Variants in PRR16 observed in about 807,000 individuals in gnomAD.
PRR16 encodes the protein protein Largen.
A neutral mutation model predicts 18.2 loss-of-function variants in PRR16; 6 were observed. The observed-to-expected ratio is 0.33, with a 90% CI of 0.18 to 0.65. PRR16 has a LOEUF of 0.65. Among genes scored for constraint, PRR16 ranks in the 30% least tolerant of loss-of-function variants. The pLI, the probability that PRR16 is intolerant of heterozygous loss-of-function variation, is 0.74. For synonymous variants in PRR16, 151 were observed against 147.8 expected, an observed-to-expected ratio of 1.02 and a Z score of -0.16; for missense variants, 412 against 376.6, an observed-to-expected ratio of 1.09 and a Z score of -0.78.
intron 1 of PRR16, among the ~76,000 whole-genome samples, chr5:120,584,695 C>G (rs1179306786): frequency 6.6e-6 from 1 of 152,024 alleles, no homozygotes; most frequent in African/African-American, 2.4e-5. Flanking sequence ...TGATCAAACA[C>G]TTAGTAATTT....
the PRR16 span, among the ~76,000 whole-genome samples, chr5:120,696,233 C>A: frequency 6.6e-6 from 1 of 151,968 alleles, no homozygotes; most frequent in African/African-American, 2.4e-5. Context: ...CAGAGTGAGG[C>A]TCCATCTCAA....
rs565731807 is a variant in PRR16, at chr5:120,531,104, C to A, written c.159+66459C>A. 7.9e-5 allele frequency among the ~76,000 whole-genome samples: 12 copies of A among 152,292 alleles called. No individual in the cohort carries two copies. In the South Asian group the frequency reaches 2.5e-3, roughly 32 times the overall value. ...TAACTTTCTCTGTATTCAAATTATACTAGCTCAGAAAATTAGGTAGTTTAA... is the reference window on the plus strand; with the variant it reads ...TAACTTTCTCTGTATTCAAATTATAATAGCTCAGAAAATTAGGTAGTTTAA... On this transcript the variant is annotated intron_variant, in intron 1 of 1. Transcript: ENST00000407149.
chr5:120,692,105 A>G (rs1561619442), downstream of PRR16, among the ~76,000 whole-genome samples: 1 of 152,198 alleles, frequency 6.6e-6, no homozygotes, highest in South Asian at 2.1e-4. Flanking sequence ...TTTCAGCACC[A>G]CCTAAAAACA....
At chr5:120,619,359 A>C (rs1434760552) in intron 1 of PRR16, among the ~76,000 whole-genome samples, 1 of 152,202 alleles carries the variant, frequency 6.6e-6, no homozygotes, top group Non-Finnish European at 1.5e-5. Context: ...AAAGTTGACT[A>C]GGAAAAATAA....
chr5:120,625,672 A>C (rs779491420), intron 1 of PRR16, among the ~76,000 whole-genome samples: 1 of 152,064 alleles, frequency 6.6e-6, no homozygotes, highest in Non-Finnish European at 1.5e-5. Context: ...CCGTATAAAA[A>C]CATGTGGGTT....
At chr5:120,694,903 A>G in the PRR16 span, among the ~76,000 whole-genome samples, 1 of 152,178 alleles carries the variant, frequency 6.6e-6, no homozygotes, top group Non-Finnish European at 1.5e-5. Flanking sequence ...GTTTTAAAAA[A>G]ATATCTAGGT....
At chr5:120,690,525 T>A (rs1757196701), downstream of PRR16, among the ~76,000 whole-genome samples, 2 of 152,250 alleles carry the variant, frequency 1.3e-5, no homozygotes, top group Middle Eastern at 6.8e-3. Flanking sequence ...GATTTCTAAC[T>A]GGGGAAATGA....
At chr5:120,775,632 C>CTTT in the PRR16 span, among the ~76,000 whole-genome samples, 6 of 137,560 alleles carry the variant, frequency 4.4e-5, no homozygotes, top group Non-Finnish European at 9.5e-5. Context: ...TTTCTTTCTC[C>CTTT]TTTTTTTTTT....
At chr5:120,524,040 C>T (rs1054788537) in intron 1 of PRR16, among the ~76,000 whole-genome samples, 1 of 152,000 alleles carries the variant, frequency 6.6e-6, no homozygotes, top group African/African-American at 2.4e-5. Flanking sequence ...GAAAACTGCT[C>T]AGTTATATAA....
At chr5:120,552,223 G>A (rs1203691609) in intron 1 of PRR16, among the ~76,000 whole-genome samples, 4 of 151,706 alleles carry the variant, frequency 2.6e-5, no homozygotes, top group Non-Finnish European at 4.4e-5. Context: ...TTATTGACAC[G>A]GTTAAAAAGA....
chr5:120,574,847 A>G (rs1753022399), intron 1 of PRR16, among the ~76,000 whole-genome samples: 1 of 148,970 alleles, frequency 6.7e-6, no homozygotes, highest in Admixed American at 6.6e-5. Flanking sequence ...AGAGTGTACT[A>G]AAGCTGAAAA....
At chr5:120,721,811 C>CA in the PRR16 span, among the ~76,000 whole-genome samples, 1 of 151,818 alleles carries the variant, frequency 6.6e-6, no homozygotes. Flanking sequence ...GTAATTCAGA[C>CA]AAAAAAACTG....
At chr5:120,774,573 C>T in the PRR16 span, among the ~76,000 whole-genome samples, 1 of 152,054 alleles carries the variant, frequency 6.6e-6, no homozygotes, top group Non-Finnish European at 1.5e-5. Context: ...TTCTCAACCC[C>T]AATAAAAGAT....
Position 120,664,037 on chromosome 5 carries a change from G to T in PRR16, c.160-21917G>T, listed in dbSNP as rs181139780. Among the ~76,000 whole-genome samples the T allele has an allele frequency of 2.0e-5, 3 of 152,266 alleles. No individual in the cohort carries two copies. The East Asian group carries it at 5.8e-4, about 29-fold the overall frequency. ...AATCTGGCCGGGCGCGGTGGCTCAT[G>T]CCTGTAATCTCAGTACTTTTGGAGG... On this transcript the variant is annotated intron_variant, in intron 1 of 1. Coordinates refer to ENST00000407149, the MANE Select transcript of PRR16 (RefSeq NM_001300783.2).
chr5:120,732,765 G>T, the PRR16 span, among the ~76,000 whole-genome samples: 403 of 152,234 alleles, frequency 2.6e-3, 6 homozygotes, highest in Non-Finnish European at 8.4e-4. Context: ...CAGTATTTCT[G>T]TTTGCAATCT....
chr5:120,754,401 T>TACTATATAGTATATATTATATAATA, the PRR16 span, among the ~76,000 whole-genome samples: 1 of 67,212 alleles, frequency 1.5e-5, no homozygotes, highest in Non-Finnish European at 2.5e-5. Context: ...ATGTTATATA[T>TACTATATAGTATATATTATATAATA]TATACTATAT....
chr5:120,607,568 A>C (rs1209633161), intron 1 of PRR16, among the ~76,000 whole-genome samples: 1 of 152,128 alleles, frequency 6.6e-6, no homozygotes, highest in Non-Finnish European at 1.5e-5. Context: ...TCTATGCTTC[A>C]TTAGAGTCTT....
At chr5:120,568,346 G>T (rs1268460530) in intron 1 of PRR16, among the ~76,000 whole-genome samples, 1 of 152,162 alleles carries the variant, frequency 6.6e-6, no homozygotes, top group African/African-American at 2.4e-5. Context: ...TAATAAGTCT[G>T]TGCAGCTAGT....
At chr5:120,596,653 A>G (rs1269877232) in intron 1 of PRR16, among the ~76,000 whole-genome samples, 1 of 151,802 alleles carries the variant, frequency 6.6e-6, no homozygotes, top group Admixed American at 6.6e-5. Context: ...TATCACAAAT[A>G]CAACGTATAT....
Sources: allele counts gnomAD v4.1 joint callset (sites outside exome capture counted in the v4.1 genomes callset), GRCh38; gene constraint gnomAD v4.1.1; transcripts MANE v1.5; gene names NCBI Gene and HGNC (gene_info 2026-07-23, HGNC 2026-07-21).